The following CSMD1 variants were observed in gnomAD, a reference collection of about 807,000 sequenced individuals.
CSMD1 encodes the protein CUB and sushi domain-containing protein 1.
A neutral mutation model predicts 417.5 loss-of-function variants in CSMD1; 213 were observed. That is an observed-to-expected ratio of 0.51 (90% CI 0.46 to 0.57). The LOEUF is 0.57. Among genes scored for constraint, CSMD1 ranks in the 20% least tolerant of loss-of-function variants. The pLI, the probability that CSMD1 is intolerant of heterozygous loss-of-function variation, is 0.00. For synonymous variants in CSMD1, 2,862 were observed against 1,736.8 expected, an observed-to-expected ratio of 1.65 and a Z score of -16.11; for missense variants, 6,923 against 4,529.7, an observed-to-expected ratio of 1.53 and a Z score of -15.17.
At chr8:4,696,839 G>C (rs1335804978) in intron 1 of CSMD1, among the ~76,000 whole-genome samples, 1 of 152,186 alleles carries the variant, frequency 6.6e-6, no homozygotes, top group Non-Finnish European at 1.5e-5. Context: ...ATCACAAAAT[G>C]TAAGTAGTGA....
rs575907669 is a variant in CSMD1 at position 4,955,012 on chromosome 8, C to T, written c.85+39320G>A. On this transcript the variant is annotated intron_variant, in intron 1 of 69. Transcript: ENST00000635120. The stretch of plus-strand genomic sequence containing the variant: ...TGGGTTTTCAATGTTCTTTCTTAGA[C>T]GAGAAAGCCAGCTGATTTTCTCGGG... Among the ~76,000 whole-genome samples, 25 of 152,200 alleles carry T rather than the reference C, an allele frequency of 1.6e-4. No individual in the cohort carries two copies. In the East Asian group the frequency reaches 2.9e-3, roughly 18 times the overall value.
rs1234933123 is a variant in CSMD1 at position 3,369,301 on chromosome 8, G to C, written c.2852C>G (p.Pro951Arg). Residue 951 changes from proline (P) to arginine (R), a missense_variant, in exon 19 of 70, where the codon CCA becomes CGA. By Grantham distance (103) the Pro-to-Arg change is moderately radical. Coordinates refer to ENST00000635120, the MANE Select transcript of CSMD1 (RefSeq NM_033225.6). ...GGTCCACGTGCAGTTTAGAGAGTTT[G>C]GATAAAAATCTGGAAACCCAGGAGA... ...VLSPGFPDFY[P>R]NSLNCTWTIE... 1.9e-6 allele frequency: 3 copies of C among 1,607,142 alleles called. No individual in the cohort carries two copies. The highest frequency in any genetic ancestry group is 2.2e-5 in the East Asian group (1 of 44,790).
chr8:3,316,138 C>T (rs946854110), intron 23 of CSMD1, among the ~76,000 whole-genome samples: 3 of 152,142 alleles, frequency 2.0e-5, no homozygotes, highest in Admixed American at 6.6e-5. Context: ...AATAATTTCA[C>T]TCTAAATTCA....
intron 5 of CSMD1, among the ~76,000 whole-genome samples, chr8:3,973,697 G>C (rs889761211): frequency 2.0e-5 from 3 of 152,192 alleles, no homozygotes; most frequent in Admixed American, 2.0e-4. Context: ...AGGTGTGAAT[G>C]CAAGACCTTT....
intron 3 of CSMD1, among the ~76,000 whole-genome samples, chr8:4,193,328 C>A (rs989595730): frequency 6.6e-6 from 1 of 151,620 alleles, no homozygotes; most frequent in African/African-American, 2.4e-5. Context: ...CAAAGAACGT[C>A]CTCCAATAAA....
chr8:3,070,028 C>T (rs1053788821), intron 49 of CSMD1, among the ~76,000 whole-genome samples: 1 of 152,208 alleles, frequency 6.6e-6, no homozygotes, highest in South Asian at 2.1e-4. Flanking sequence ...TGCACCTGGG[C>T]ACTTGTGATT....
chr8:3,774,507 A>G (rs1221184367), intron 5 of CSMD1, among the ~76,000 whole-genome samples: 2 of 152,124 alleles, frequency 1.3e-5, no homozygotes, highest in Non-Finnish European at 2.9e-5. Flanking sequence ...AATAAATAGA[A>G]AGATGCTGAA....
At chr8:3,066,230 G>T (rs929113211) in intron 49 of CSMD1, among the ~76,000 whole-genome samples, 1 of 152,110 alleles carries the variant, frequency 6.6e-6, no homozygotes, top group Admixed American at 6.5e-5. Context: ...AACAGCTAAT[G>T]AAATGAAGCA....
chr8:3,151,530 A>C lies in CSMD1; in HGVS notation c.5915-17T>G. 6.6e-7 allele frequency: 1 copy of C among 1,525,006 alleles called. No individual in the cohort carries two copies. The highest frequency in any genetic ancestry group is 9.1e-7 in the Non-Finnish European group (1 of 1,103,434). The allele number at this position is 1,525,006 out of a possible 1,614,324, so 94.5% of individuals were successfully genotyped here. On this transcript the variant is annotated splice_polypyrimidine_tract_variant and intron_variant, in intron 39 of 69. Transcript: ENST00000635120. ...CACAGGTTGCTGTTAAGTGGACAAGATGTCAGTCCTGCAGGTCCTCACTTT... is the reference window on the plus strand; with the variant it reads ...CACAGGTTGCTGTTAAGTGGACAAGCTGTCAGTCCTGCAGGTCCTCACTTT...
intron 3 of CSMD1, among the ~76,000 whole-genome samples, chr8:4,201,259 C>T (rs1188050242): frequency 1.3e-5 from 2 of 152,154 alleles, no homozygotes; most frequent in Admixed American, 6.5e-5. Context: ...AAATTCAGGG[C>T]CGGGCGCAGT....
intron 2 of CSMD1, among the ~76,000 whole-genome samples, chr8:4,451,402 C>T (rs577110731): frequency 2.0e-5 from 3 of 152,260 alleles, no homozygotes; most frequent in East Asian, 1.9e-4. Context: ...TGAACATGTG[C>T]TATGATCAGT....
At chr8:4,189,598 A>C (rs1451856295) in intron 3 of CSMD1, among the ~76,000 whole-genome samples, 1 of 152,194 alleles carries the variant, frequency 6.6e-6, no homozygotes, top group Non-Finnish European at 1.5e-5. Context: ...TTAGTTGATT[A>C]GTTTTTGGAA....
At chr8:4,745,687 A>G (rs1167559207) in intron 1 of CSMD1, among the ~76,000 whole-genome samples, 1 of 152,220 alleles carries the variant, frequency 6.6e-6, no homozygotes, top group Non-Finnish European at 1.5e-5. Context: ...AGCTTTCACA[A>G]TTCTTAGCTA....
chr8:4,748,073 C>T (rs920747501), intron 1 of CSMD1, among the ~76,000 whole-genome samples: 2 of 152,194 alleles, frequency 1.3e-5, no homozygotes, highest in African/African-American at 2.4e-5. Context: ...TGTGCCCCCA[C>T]CCTCTGTTGA....
chr8:4,828,930 C>T (rs748096936), intron 1 of CSMD1, among the ~76,000 whole-genome samples: 15 of 152,106 alleles, frequency 9.9e-5, no homozygotes, highest in Non-Finnish European at 2.1e-4. Context: ...GGTTAATTAA[C>T]CATCCCCAAA....
intron 3 of CSMD1, among the ~76,000 whole-genome samples, chr8:4,418,845 C>A (rs190012803): frequency 1.3e-3 from 202 of 152,254 alleles, no homozygotes; most frequent in African/African-American, 4.6e-3. Context: ...CTGACGCTGG[C>A]TTATGCACAA....
At chr8:4,694,640 G>A (rs1262470364) in intron 1 of CSMD1, among the ~76,000 whole-genome samples, 3 of 151,936 alleles carry the variant, frequency 2.0e-5, no homozygotes, top group African/African-American at 2.4e-5. Context: ...TAGGATTACA[G>A]CCGTGAGTCA....
At chr8:3,680,568 C>G (rs1427978372) in intron 7 of CSMD1, among the ~76,000 whole-genome samples, 3 of 152,096 alleles carry the variant, frequency 2.0e-5, no homozygotes, top group Admixed American at 6.6e-5. Context: ...CAAAAAAAGT[C>G]CAGGACCAGA....
intron 7 of CSMD1, among the ~76,000 whole-genome samples, chr8:3,695,892 C>T (rs1266893019): frequency 2.0e-5 from 3 of 152,314 alleles, no homozygotes; most frequent in African/African-American, 7.2e-5. Context: ...TCATTGTACT[C>T]ATTTGATATC....
Sources: gnomAD v4.1 joint callset for allele counts (sites outside exome capture counted in the v4.1 genomes callset) on GRCh38, gnomAD v4.1.1 for gene constraint, MANE v1.5 for transcripts, NCBI Gene and HGNC (gene_info 2026-07-23, HGNC 2026-07-21) for gene names.